Variants in KALRN observed in about 807,000 individuals in gnomAD.
The protein encoded by KALRN is kalirin.
KALRN carries 70 observed loss-of-function variants against 353.7 expected under a neutral mutation model. The ratio of observed to expected loss-of-function variants is 0.20; its 90% CI spans 0.16 to 0.24. The LOEUF (loss-of-function observed/expected upper bound fraction) is 0.24. Ranked by LOEUF, KALRN falls within the 10% of genes least tolerant of loss-of-function variation. The probability of loss-of-function intolerance (pLI) is 1.00; values close to 1 mark genes in which losing one functional copy is unlikely to be tolerated. For missense variants in KALRN, 2,791 were observed against 3,756.7 expected (o/e 0.74, Z 6.72); for synonymous variants, 1,391 against 1,434.8 (o/e 0.97, Z 0.69).
intron 1 of KALRN, among the ~76,000 whole-genome samples, chr3:124,149,718 G>A (rs968397132): frequency 6.6e-6 from 1 of 152,176 alleles, no homozygotes; most frequent in African/African-American, 2.4e-5. Context: ...TGTAAGGTGA[G>A]TATGAGATTC....
chr3:124,591,100 T>A (rs1334913410), intron 34 of KALRN, among the ~76,000 whole-genome samples: 8 of 152,188 alleles, frequency 5.3e-5, no homozygotes, highest in Admixed American at 5.2e-4. Flanking sequence ...CTGGAGCCAT[T>A]TGGAATTAAA....
At chr3:124,507,638 T>G (rs934942630) in intron 33 of KALRN, among the ~76,000 whole-genome samples, 1 of 152,212 alleles carries the variant, frequency 6.6e-6, no homozygotes, top group Non-Finnish European at 1.5e-5. Flanking sequence ...TTCTGCCCAG[T>G]CTTCTGAGTT....
intron 3 of KALRN, among the ~76,000 whole-genome samples, chr3:124,249,416 T>C (rs1428189294): frequency 6.6e-6 from 1 of 152,140 alleles, no homozygotes; most frequent in African/African-American, 2.4e-5. Flanking sequence ...AATAGATGAA[T>C]TGGAATTCTG....
chr3:124,627,061 T>A (rs1401822935), intron 34 of KALRN, among the ~76,000 whole-genome samples: 1 of 152,224 alleles, frequency 6.6e-6, no homozygotes, highest in Non-Finnish European at 1.5e-5. Flanking sequence ...GTAAAATAAG[T>A]TCTCTAGCAG....
At chr3:124,695,607 G>A (rs3755702) in intron 53 of KALRN, among the ~76,000 whole-genome samples, 57,119 of 151,952 alleles carry the variant, frequency 0.38, 10,966 homozygotes, top group East Asian at 0.59. Context: ...CCTGGACCTT[G>A]TATTGGGGTG....
intron 49 of KALRN, among the ~76,000 whole-genome samples, chr3:124,676,718 GGATCTCCCT>G (rs2087233222): frequency 6.6e-6 from 1 of 152,156 alleles, no homozygotes; most frequent in South Asian, 2.1e-4. Flanking sequence ...CTTTCAGCAG[GGATCTCCCT>G]GACTCAAGTT....
At chr3:124,395,634 G>C in intron 12 of KALRN, 1 of 383,898 alleles carries the variant, frequency 2.6e-6, no homozygotes, top group Non-Finnish European at 4.8e-6. Flanking sequence ...AAAAACAAAA[G>C]TAAAAAATAA....
At chr3:124,226,276 T>A (rs946538287) in intron 1 of KALRN, among the ~76,000 whole-genome samples, 2 of 152,216 alleles carry the variant, frequency 1.3e-5, no homozygotes, top group Non-Finnish European at 1.5e-5. Flanking sequence ...TTAGCCTCTA[T>A]TAGTGAAATT....
intron 27 of KALRN, among the ~76,000 whole-genome samples, chr3:124,479,585 C>G (rs2061756402): frequency 6.6e-6 from 1 of 152,150 alleles, no homozygotes; most frequent in Non-Finnish European, 1.5e-5. Context: ...ACTTAGGAAC[C>G]ATTTGCTTTA....
chr3:124,200,746 A>AT (rs1051756298), intron 1 of KALRN, among the ~76,000 whole-genome samples: 2 of 152,004 alleles, frequency 1.3e-5, no homozygotes, highest in Non-Finnish European at 2.9e-5. Context: ...TCTGGGGTAT[A>AT]TTTTTTTCAC....
intron 33 of KALRN, among the ~76,000 whole-genome samples, chr3:124,529,441 G>A (rs1388726113): frequency 6.6e-6 from 1 of 152,100 alleles, no homozygotes; most frequent in East Asian, 1.9e-4. Flanking sequence ...GTGGAAGACA[G>A]GTCTGATGCA....
Position 124,278,783 on chromosome 3 carries a change from T to G in KALRN, c.969+9528T>G, listed in dbSNP as rs994819400. 9.9e-5 allele frequency among the ~76,000 whole-genome samples: 15 copies of G among 152,264 alleles called. No individual in the cohort carries two copies. In the East Asian group the frequency reaches 2.9e-3, roughly 29 times the overall value. ...CCAAGGTATAAACAGTTCTGGTCAC[T>G]CCCTAGAGCCCAAAACAGGACCCAA... On this transcript the variant is annotated intron_variant, in intron 5 of 59. Transcript: ENST00000682506.
Position 124,430,737 on chromosome 3 carries a change from C to T in KALRN, c.2791C>T (p.Leu931=). The change falls in exon 16 of 60, where the codon CTG becomes TTG. Residue 931 remains leucine (L), a synonymous_variant. Coordinates refer to ENST00000682506, the MANE Select transcript of KALRN (RefSeq NM_001388419.1). ...NASSLSEAEQ[L]QREHEQFQLA... ...CAGCTCTTTGTCGGAAGCAGAGCAGCTGCAGCGGGAGCACGAGCAGTTCCA... is the reference window on the plus strand; with the variant it reads ...CAGCTCTTTGTCGGAAGCAGAGCAGTTGCAGCGGGAGCACGAGCAGTTCCA... The T allele has an allele frequency of 6.2e-7, 1 of 1,614,152 alleles. No individual in the cohort carries two copies. Among genetic ancestry groups the T allele is most frequent in the Non-Finnish European group, 8.5e-7 (1 of 1,179,996 alleles).
intron 37 of KALRN, among the ~76,000 whole-genome samples, chr3:124,643,154 T>A (rs2082294254): frequency 1.3e-5 from 2 of 152,158 alleles, no homozygotes; most frequent in East Asian, 1.9e-4. Flanking sequence ...AAAGTTTAGA[T>A]TTCCACCATT....
rs1158013 is a variant in KALRN at position 124,238,696 on chromosome 3, C to T, written c.263+3753C>T. ...TATACCTTAAATCCTAAGAGAACTT[C>T]TTTTTAGTCCCCTTCGACTCCAGGT... On this transcript the variant is annotated intron_variant, in intron 3 of 59. Transcript: ENST00000682506. Among the ~76,000 whole-genome samples the T allele has an allele frequency of 1.4e-4, 21 of 152,046 alleles. No individual in the cohort carries two copies. The East Asian group carries it at 3.7e-3, about 27-fold the overall frequency.
intron 25 of KALRN, among the ~76,000 whole-genome samples, chr3:124,466,874 C>G (rs1302027023): frequency 1.3e-5 from 2 of 152,234 alleles, no homozygotes; most frequent in Non-Finnish European, 2.9e-5. Flanking sequence ...CATAGTGAAA[C>G]AGCTTCCATG....
Position 124,166,292 on chromosome 3 carries a change from G to T in KALRN, c.74-61698G>T, listed in dbSNP as rs2070837746. ...ATGAAGATAGCGACTTTGTTTAGTGGGGGCTTAACAAATATTGAACAGATG... is the reference window on the plus strand; with the variant it reads ...ATGAAGATAGCGACTTTGTTTAGTGTGGGCTTAACAAATATTGAACAGATG... On this transcript the variant is annotated intron_variant, in intron 1 of 59. Transcript: ENST00000682506. Among the ~76,000 whole-genome samples, 3 of 152,036 alleles carry T rather than the reference G, an allele frequency of 2.0e-5. No homozygotes were observed. In the South Asian group the frequency reaches 6.2e-4, roughly 32 times the overall value.
chr3:124,602,946 T>TGTTGTTGTTTTG (rs1306270170), intron 34 of KALRN, among the ~76,000 whole-genome samples: 8 of 151,404 alleles, frequency 5.3e-5, no homozygotes, highest in Admixed American at 2.0e-4. Flanking sequence ...CGTGGTTTTT[T>TGTTGTTGTTTTG]TTTTGTTGTT....
intron 1 of KALRN, among the ~76,000 whole-genome samples, chr3:124,112,217 C>T (rs190916833): frequency 1.8e-4 from 27 of 150,668 alleles, no homozygotes; most frequent in African/African-American, 5.9e-4. Context: ...GTATGAGAAT[C>T]GCTTGAACCC....
Sources: allele counts gnomAD v4.1 joint callset (sites outside exome capture counted in the v4.1 genomes callset), GRCh38; gene constraint gnomAD v4.1.1; transcripts MANE v1.5; gene names NCBI Gene and HGNC (gene_info 2026-07-23, HGNC 2026-07-21).